The following FAP variants were observed in gnomAD, a reference collection of about 807,000 sequenced individuals.
FAP encodes the protein fibroblast activation protein alpha.
Under a neutral mutation model 126.5 loss-of-function variants are expected in FAP, and 110 were observed. The ratio of observed to expected loss-of-function variants is 0.87; its 90% CI spans 0.74 to 1.02. FAP has a LOEUF of 1.02. Among genes scored for constraint, FAP ranks in the 50% least tolerant of loss-of-function variants. The pLI is 0.00. For synonymous variants in FAP, 334 were observed against 297.3 expected (o/e 1.12, Z -1.27); for missense variants, 919 against 909.2 (o/e 1.01, Z -0.14).
chr2:162,190,336 C>G (rs941428485), intron 17 of FAP, among the ~76,000 whole-genome samples: 4 of 151,902 alleles, frequency 2.6e-5, no homozygotes, highest in Non-Finnish European at 1.5e-5. Context: ...GCTATTCTTT[C>G]AGATCCTTTC....
rs577610773 is a variant in FAP at position 162,199,525 on chromosome 2, G to A, written c.1278-644C>T. 2.2e-4 allele frequency among the ~76,000 whole-genome samples: 33 copies of A among 152,268 alleles called. 1 individual carries two copies. The South Asian group carries it at 6.6e-3, about 31-fold the overall frequency. On this transcript the variant is annotated intron_variant, in intron 15 of 25. Coordinates refer to ENST00000188790, the MANE Select transcript of FAP (RefSeq NM_004460.5). ...GAGTCATCTGTGTGGTTCCTGAGCA[G>A]GGTGATTGGCTTCAATACACAGACT...
At chr2:162,196,792 C>T (rs745314873) in intron 16 of FAP, among the ~76,000 whole-genome samples, 8 of 152,100 alleles carry the variant, frequency 5.3e-5, no homozygotes, top group Non-Finnish European at 1.2e-4. Flanking sequence ...CCTATGATGG[C>T]GCAGTGACTC....
intron 16 of FAP, among the ~76,000 whole-genome samples, chr2:162,195,788 C>A (rs1243858435): frequency 2.0e-5 from 3 of 152,066 alleles, no homozygotes; most frequent in African/African-American, 7.2e-5. Flanking sequence ...ACCTTTTAAG[C>A]ATAAATTTGC....
chr2:162,194,133 G>A (rs998010039), intron 17 of FAP: 17 of 152,398 alleles, frequency 1.1e-4, no homozygotes, highest in East Asian at 1.9e-4. Flanking sequence ...AAAATGGAAA[G>A]AGCCTCCAAA....
intron 25 of FAP, chr2:162,171,336 G>T (rs1687298051): frequency 3.2e-6 from 1 of 314,204 alleles, no homozygotes; most frequent in Non-Finnish European, 5.9e-6. Context: ...CCAGCATCCT[G>T]GAAGATCAGG....
intron 14 of FAP, among the ~76,000 whole-genome samples, chr2:162,202,146 A>AT (rs1345994029): frequency 1.3e-5 from 2 of 152,234 alleles, no homozygotes; most frequent in African/African-American, 4.8e-5. Context: ...TGCAGACTGT[A>AT]TTAGAAATTA....
rs371822250 is a variant in FAP at position 162,200,401 on chromosome 2, G to A, written c.1277+165C>T. 1.1e-4 allele frequency among the ~76,000 whole-genome samples: 16 copies of A among 145,304 alleles called. 1 individual carries two copies. Among genetic ancestry groups the A allele is most frequent in the African/African-American group, 3.8e-4 (14 of 37,070 alleles). ...TATTTTGAATTGGCTAACATTTTGC[G>A]AGTGTGTGTTTTTTATACCCATTCT... On this transcript the variant is annotated intron_variant, in intron 15 of 25. Transcript: ENST00000188790.
At chr2:162,240,710 A>T (rs1690313552) in intron 2 of FAP, among the ~76,000 whole-genome samples, 1 of 152,246 alleles carries the variant, frequency 6.6e-6, no homozygotes, top group African/African-American at 2.4e-5. Context: ...ATATGAGGGC[A>T]CCTAAGGCAA....
chr2:162,179,910 G>C (rs951892324), intron 21 of FAP, among the ~76,000 whole-genome samples: 5 of 151,256 alleles, frequency 3.3e-5, no homozygotes, highest in African/African-American at 1.2e-4. Context: ...CCGGGTTCAA[G>C]CAATTCTCCT....
chr2:162,228,612 C>T (rs1408998765), intron 2 of FAP, among the ~76,000 whole-genome samples: 2 of 152,070 alleles, frequency 1.3e-5, no homozygotes, highest in African/African-American at 4.8e-5. Flanking sequence ...AATTGTTATT[C>T]TATTTTTTAA....
chr2:162,237,079 C>T (rs2106303871), intron 2 of FAP, among the ~76,000 whole-genome samples: 1 of 152,086 alleles, frequency 6.6e-6, no homozygotes, highest in South Asian at 2.1e-4. Context: ...TCTGTTCTTA[C>T]TGCATATTAG....
intron 17 of FAP, among the ~76,000 whole-genome samples, chr2:162,192,852 G>A (rs1275198495): frequency 6.6e-6 from 1 of 151,958 alleles, no homozygotes; most frequent in South Asian, 2.1e-4. Flanking sequence ...CATGAGTCTC[G>A]GGTTTGTGGT....
At position 162,200,594 on chromosome 2, in the gene FAP, C is replaced by T; in HGVS notation, c.1249G>A (p.Glu417Lys). 1 of 1,473,142 alleles carries T rather than the reference C, an allele frequency of 6.8e-7. No individual in the cohort carries two copies. Among genetic ancestry groups the T allele is most frequent in the Admixed American group, 2.1e-5 (1 of 47,094 alleles). The allele number at this position is 1,473,142 out of a possible 1,614,324, so 91.3% of individuals were successfully genotyped here. Residue 417 changes from glutamate (E) to lysine (K), a missense_variant, in exon 15 of 26, where the codon GAA (glutamate) becomes AAA (lysine). Physicochemically the swap from Glu to Lys is moderately conservative, Grantham distance 56 (BLOSUM62 1). Transcript: ENST00000188790. ...SLFYSSNEFEEYPGRRNIYRI... is the reference protein window; with the variant it reads ...SLFYSSNEFEKYPGRRNIYRI... ...TAGATGTTTCTTCTTCCAGGGTATT[C>T]TTCAAATTCATTGCTAGAATAAAAC...
chr2:162,236,722 C>G (rs1404241562), intron 2 of FAP, among the ~76,000 whole-genome samples: 1 of 152,144 alleles, frequency 6.6e-6, no homozygotes, highest in Non-Finnish European at 1.5e-5. Flanking sequence ...GCAATTCTGC[C>G]TCAGCCTCCT....
At chr2:162,183,339 C>T in intron 21 of FAP, 75 bp downstream of exon 21, 1 of 1,095,404 alleles carries the variant, frequency 9.1e-7, no homozygotes, top group Admixed American at 2.0e-5. Flanking sequence ...TCATGAGAAA[C>T]CTTCTAAACG....
In FAP at chr2:162,180,517, T is replaced by G. The variant is rs370634817; in HGVS notation, c.1869+2897A>C. ...GGTGATGTTTGTGCAAGCTAAAGTT[T>G]GAGAATTTCTGGCTTAAATTACAAA... On this transcript the variant is annotated intron_variant, in intron 21 of 25. Coordinates refer to ENST00000188790, the MANE Select transcript of FAP (RefSeq NM_004460.5). 7.9e-5 allele frequency among the ~76,000 whole-genome samples: 12 copies of G among 152,260 alleles called. 2 individuals are homozygous for G. Among genetic ancestry groups the G allele is most frequent in the Admixed American group, 7.2e-4 (11 of 15,294 alleles).
At chr2:162,219,278 A>G in intron 7 of FAP, 95 bp from the exon 8 acceptor site, 1 of 1,191,850 alleles carries the variant, frequency 8.4e-7, no homozygotes, top group Middle Eastern at 2.5e-4. Context: ...ACAGAGTGGT[A>G]ATAAAGATAC....
intron 21 of FAP, chr2:162,176,643 C>T (rs1276628492): frequency 2.0e-5 from 3 of 151,994 alleles, no homozygotes; most frequent in African/African-American, 7.2e-5. Flanking sequence ...CAAATGAGAG[C>T]AGAGTAAGCC....
At chr2:162,228,697 T>A (rs558171351) in intron 2 of FAP, among the ~76,000 whole-genome samples, 87 of 152,312 alleles carry the variant, frequency 5.7e-4, no homozygotes, top group African/African-American at 2.0e-3. Context: ...TAATGAAATA[T>A]CTTCTGTTTA....
Sources: allele counts gnomAD v4.1 joint callset (sites outside exome capture counted in the v4.1 genomes callset), GRCh38; gene constraint gnomAD v4.1.1; transcripts MANE v1.5; gene names NCBI Gene and HGNC (gene_info 2026-07-23, HGNC 2026-07-21).